The following GC variants were observed in gnomAD, a reference collection of about 807,000 sequenced individuals.
The protein encoded by GC is vitamin D-binding protein.
Under a neutral mutation model 56.7 loss-of-function variants are expected in GC, and 43 were observed. The ratio of observed to expected loss-of-function variants is 0.76; its 90% CI spans 0.59 to 0.98. The LOEUF is 0.98. Among genes scored for constraint, GC ranks in the 50% least tolerant of loss-of-function variants. The probability of loss-of-function intolerance (pLI) is 0.00; values close to 1 mark genes in which losing one functional copy is unlikely to be tolerated. For synonymous variants in GC, 216 were observed against 202.7 expected (o/e 1.07, Z -0.56); for missense variants, 529 against 545.9 (o/e 0.97, Z 0.31).
chr4:71,793,899 A>G (rs546451414), intron 1 of GC, among the ~76,000 whole-genome samples: 1 of 152,210 alleles, frequency 6.6e-6, no homozygotes, highest in Non-Finnish European at 1.5e-5. Context: ...CCTTTTCTGC[A>G]TCTATTGAGA....
intron 1 of GC, among the ~76,000 whole-genome samples, chr4:71,792,885 C>T (rs1324467466): frequency 6.6e-6 from 1 of 152,158 alleles, no homozygotes; most frequent in Non-Finnish European, 1.5e-5. Flanking sequence ...ATATGGCTAG[C>T]CAGTTTTCCC....
At chr4:71,755,650 C>T (rs1741744175) in intron 8 of GC, among the ~76,000 whole-genome samples, 2 of 152,076 alleles carry the variant, frequency 1.3e-5, no homozygotes, top group African/African-American at 4.8e-5. Flanking sequence ...TAAAGCTTTG[C>T]ATGTAATATA....
rs1741358718 is a variant in GC at position 71,746,211 on chromosome 4, A to G, written c.1396-6T>C. On this transcript the variant is annotated splice_polypyrimidine_tract_variant and splice_region_variant and intron_variant, in intron 11 of 12. Transcript: ENST00000273951. ...TTCTTCAATTCAGCATCAATCTGAT[A>G]ATGAAAAAAGAATGTTATATAACTT... The G allele has an allele frequency of 3.9e-6, 5 of 1,270,358 alleles. No homozygotes were observed. Among genetic ancestry groups the G allele is most frequent in the Non-Finnish European group, 5.7e-6 (5 of 872,234 alleles). 78.7% of individuals were successfully genotyped at this position (1,270,358 alleles called of 1,614,324 possible).
intron 1 of GC, among the ~76,000 whole-genome samples, chr4:71,802,476 T>A (rs1056988975): frequency 1.3e-5 from 2 of 152,182 alleles, no homozygotes; most frequent in African/African-American, 4.8e-5. Flanking sequence ...AGGGAATTTT[T>A]AAAAATTAAC....
chr4:71,754,480 G>T lies in GC; in HGVS notation c.1193C>A (p.Ser398Tyr). 1 of 1,582,242 alleles carries T rather than the reference G, an allele frequency of 6.3e-7. No homozygotes were observed. The highest frequency in any genetic ancestry group is 8.7e-7 in the Non-Finnish European group (1 of 1,152,108). The stretch of plus-strand genomic sequence containing the variant: ...TAGTTCTTGTCCCTTGTCAATGAAA[G>T]AAGATAGTTCCTTCTTTAGTAGAGG... ...KGPLLKKELSSFIDKGQELCA... is the reference protein window; with the variant it reads ...KGPLLKKELSYFIDKGQELCA... Residue 398 changes from serine (S) to tyrosine (Y), a missense_variant, in exon 10 of 13, where the codon TCT becomes TAT. Coordinates refer to ENST00000273951, the MANE Select transcript of GC (RefSeq NM_000583.4).
intron 6 of GC, chr4:71,759,414 G>A (rs971478892): frequency 6.6e-5 from 10 of 152,154 alleles, no homozygotes; most frequent in Admixed American, 1.3e-4. Context: ...GTGTACAAGC[G>A]TTCCAATTTC....
At chr4:71,804,066 A>G, upstream of GC, 1 of 724,046 alleles carries the variant, frequency 1.4e-6, no homozygotes. Flanking sequence ...CGTTGGTCTT[A>G]GACAAAGATT....
At chr4:71,752,392 T>A (rs992104183) in intron 11 of GC, 126 bp downstream of exon 11, 5 of 720,092 alleles carry the variant, frequency 6.9e-6, no homozygotes, top group Non-Finnish European at 1.1e-5. Flanking sequence ...ACAGCCAAGT[T>A]ACAATAACAC....
chr4:71,765,662 G>A lies in GC; in HGVS notation c.262-19C>T. 7 of 1,456,440 alleles carry A rather than the reference G, an allele frequency of 4.8e-6. No homozygotes were observed. In the South Asian group the frequency reaches 5.7e-5, roughly 12 times the overall value. The allele number at this position is 1,456,440 out of a possible 1,614,324, so 90.2% of individuals were successfully genotyped here. On this transcript the variant is annotated intron_variant, in intron 3 of 12. Transcript: ENST00000273951. ...CTGAGGTCTGGAGGAGAAGGAAAAAGGAAACTCATATATATATGTAAATTT... is the reference window on the plus strand; with the variant it reads ...CTGAGGTCTGGAGGAGAAGGAAAAAAGAAACTCATATATATATGTAAATTT...
chr4:71,749,981 A>G (rs1741494254), intron 11 of GC, among the ~76,000 whole-genome samples: 1 of 152,184 alleles, frequency 6.6e-6, no homozygotes, highest in Non-Finnish European at 1.5e-5. Flanking sequence ...TTAGAAAAAG[A>G]TGTAGCTCCA....
intron 1 of GC, among the ~76,000 whole-genome samples, chr4:71,780,329 G>A (rs926064064): frequency 1.2e-4 from 19 of 152,182 alleles, no homozygotes; most frequent in Non-Finnish European, 2.1e-4. Flanking sequence ...TGTGGACAAG[G>A]ACTTCATGTC....
upstream of GC, among the ~76,000 whole-genome samples, chr4:71,788,736 T>C (rs1205078690): frequency 6.7e-6 from 1 of 150,342 alleles, no homozygotes; most frequent in Admixed American, 6.7e-5. Flanking sequence ...AAATTGAAAA[T>C]AGAATTTAAA....
chr4:71,788,530 T>A (rs1742894771), upstream of GC, among the ~76,000 whole-genome samples: 1 of 151,368 alleles, frequency 6.6e-6, no homozygotes, highest in African/African-American at 2.4e-5. Context: ...CAAATAACCA[T>A]AACTTTCCCA....
chr4:71,801,849 T>C (rs574789677), intron 1 of GC, among the ~76,000 whole-genome samples: 5 of 151,936 alleles, frequency 3.3e-5, no homozygotes, highest in African/African-American at 9.6e-5. Context: ...TGGTAATTTT[T>C]TCTTTCTTTC....
chr4:71,747,693 T>C (rs984288926), intron 11 of GC, among the ~76,000 whole-genome samples: 3 of 152,112 alleles, frequency 2.0e-5, no homozygotes, highest in Non-Finnish European at 4.4e-5. Context: ...TTGGAGTATA[T>C]GGTATTCTTG....
upstream of GC, among the ~76,000 whole-genome samples, chr4:71,804,734 T>G (rs1385605762): frequency 1.5e-4 from 23 of 152,288 alleles, no homozygotes; most frequent in African/African-American, 4.1e-4. Flanking sequence ...TATACCCAAT[T>G]GCCTTGTTCG....
At chr4:71,799,258 T>C (rs960457361) in intron 1 of GC, among the ~76,000 whole-genome samples, 1 of 152,184 alleles carries the variant, frequency 6.6e-6, no homozygotes, top group Admixed American at 6.5e-5. Flanking sequence ...CAAGATCCAC[T>C]CATTCCCTTC....
Position 71,754,494 on chromosome 4 carries a change from CT to C in GC, c.1178del (p.Lys393ArgfsTer34). ...TCFNAKGPLL[K>X]KELSSFIDKG... is the part of the protein sequence containing the mutation. ...TGTCAATGAAAGAAGATAGTTCCTTCTTTAGTAGAGGGCCCTGTAAGAAAAC... is the reference window on the plus strand; with the variant it reads ...TGTCAATGAAAGAAGATAGTTCCTTCTTAGTAGAGGGCCCTGTAAGAAAAC... On this transcript the variant is annotated frameshift_variant, in exon 10 of 13. Transcript: ENST00000273951. LOFTEE classifies it high-confidence loss of function. The C allele has an allele frequency of 6.4e-7, 1 of 1,557,200 alleles. No homozygotes were observed. The highest frequency in any genetic ancestry group is 8.8e-7 in the Non-Finnish European group (1 of 1,129,988).
Position 71,758,074 on chromosome 4 carries a change from C to A in GC, c.799G>T (p.Glu267Ter). Residue 267 changes from glutamate (E) to a stop codon, truncating the protein, a stop_gained, in exon 7 of 13, where the codon GAG becomes TAG. Coordinates refer to ENST00000273951, the MANE Select transcript of GC (RefSeq NM_000583.4). LOFTEE classifies it high-confidence loss of function. ...GCCATGCAATCTTCAGAGGCAGACT[C>A]ACAGCATTTGGAGAGGATGTTAGTA... is the stretch of plus-strand genomic sequence containing the variant. ...DITNILSKCC[E>*]SASEDCMAKE... 6.2e-7 allele frequency: 1 copy of A among 1,613,420 alleles called. No homozygotes were observed.
Sources: allele counts gnomAD v4.1 joint callset (sites outside exome capture counted in the v4.1 genomes callset), GRCh38; gene constraint gnomAD v4.1.1; transcripts MANE v1.5; gene names NCBI Gene and HGNC (gene_info 2026-07-23, HGNC 2026-07-21).